Variants in PAX2 observed in about 807,000 individuals in gnomAD.
PAX2 encodes paired box protein Pax-2.
Under a neutral mutation model 41.7 loss-of-function variants are expected in PAX2, and 9 were observed. The observed-to-expected ratio is 0.22, with a 90% CI of 0.13 to 0.38. The LOEUF (loss-of-function observed/expected upper bound fraction) is 0.38, where lower values mean the gene tolerates loss of function less well. PAX2 is among the 10% of genes least tolerant of loss of function. PAX2 has a pLI of 1.00. For synonymous variants in PAX2, 221 were observed against 212.7 expected, an observed-to-expected ratio of 1.04 and a Z score of -0.34; for missense variants, 418 against 531.6, an observed-to-expected ratio of 0.79 and a Z score of 2.10.
chr10:100,823,205 A>T (rs1010934884), intron 7 of PAX2, among the ~76,000 whole-genome samples: 5 of 152,222 alleles, frequency 3.3e-5, no homozygotes, highest in Non-Finnish European at 7.3e-5. Flanking sequence ...TGGTCTTATG[A>T]TATTCAAGAT....
chr10:100,828,201 C>G lies in PAX2; in HGVS notation c.*582C>G, dbSNP rs766371911. 9.4e-5 allele frequency: 22 copies of G among 233,348 alleles called. No individual in the cohort carries two copies. Among genetic ancestry groups the G allele is most frequent in the Middle Eastern group, 1.3e-3 (1 of 792 alleles). The allele number at this position is 233,348 out of a possible 1,614,324, so 14.5% of individuals were successfully genotyped here. ...TTCCCCCAGTGCCAGCCGGACTGCCCTCGCCTTCCGGGTGTGCCCTGTCCC... is the reference window on the plus strand; with the variant it reads ...TTCCCCCAGTGCCAGCCGGACTGCCGTCGCCTTCCGGGTGTGCCCTGTCCC... On this transcript the variant is annotated 3_prime_UTR_variant, in exon 10 of 10. Coordinates refer to ENST00000355243, the MANE Select transcript of PAX2 (RefSeq NM_000278.5). The surrounding 1 kb of genome is among the most constrained non-coding windows in gnomAD (Gnocchi z 6.5).
chr10:100,749,733 T>C lies in PAX2; in HGVS notation c.44-13T>C. The C allele has an allele frequency of 1.2e-6, 2 of 1,605,876 alleles. No individual in the cohort carries two copies. Among genetic ancestry groups the C allele is most frequent in the Non-Finnish European group, 1.7e-6 (2 of 1,174,368 alleles). ...TGTGTGGGGTGTTGTGTTTTTTTCT[T>C]GTCTCTCCCCAGCAGGGCACGGGGG... On this transcript the variant is annotated splice_polypyrimidine_tract_variant and intron_variant, in intron 1 of 9. Transcript: ENST00000355243.
upstream of PAX2, among the ~76,000 whole-genome samples, chr10:100,742,335 C>A (rs1589801105): frequency 8.8e-6 from 1 of 113,876 alleles, no homozygotes; most frequent in Admixed American, 9.2e-5. Context: ...GGCGCCGGTG[C>A]GTGGGTACAC....
intron 4 of PAX2, among the ~76,000 whole-genome samples, chr10:100,780,127 C>T (rs1846556171): frequency 1.3e-5 from 2 of 152,024 alleles, no homozygotes; most frequent in African/African-American, 4.8e-5. Context: ...GTTCTGTCTT[C>T]CTCCTTCCTC....
Position 100,750,564 on chromosome 10 carries a change from C to T in PAX2, c.213-130C>T. ...CACCCTCAGGAAGTCAGCTCAGCCA[C>T]ACTGGGCCTTTTCCCTCCACTCCGC... On this transcript the variant is annotated intron_variant, in intron 2 of 9. Coordinates refer to ENST00000355243, the MANE Select transcript of PAX2 (RefSeq NM_000278.5). This position sits in a 1 kb window ranked among gnomAD's most constrained non-coding sequence, Gnocchi z 4.1. The T allele has an allele frequency of 1.3e-6, 1 of 787,164 alleles. No individual in the cohort carries two copies. The highest frequency in any genetic ancestry group is 2.1e-6 in the Non-Finnish European group (1 of 478,258). The allele number at this position is 787,164 out of a possible 1,614,324, so 48.8% of individuals were successfully genotyped here.
chr10:100,827,473 T>C lies in PAX2; in HGVS notation c.1109-70T>C. ...CAGCCAGGGGAGGTCTTTTCTGTGC[T>C]TTTCTTTCCTTTTTTGTTCTCCTGT... On this transcript the variant is annotated intron_variant, in intron 9 of 9. Transcript: ENST00000355243. The surrounding 1 kb of genome is among the most constrained non-coding windows in gnomAD (Gnocchi z 8.5). 1 of 1,509,690 alleles carries C rather than the reference T, an allele frequency of 6.6e-7. No homozygotes were observed. The highest frequency in any genetic ancestry group is 2.3e-5 in the East Asian group (1 of 44,296). The allele number at this position is 1,509,690 out of a possible 1,614,324, so 93.5% of individuals were successfully genotyped here.
intron 3 of PAX2, among the ~76,000 whole-genome samples, chr10:100,774,350 G>A (rs909902436): frequency 2.0e-5 from 3 of 152,182 alleles, no homozygotes; most frequent in African/African-American, 7.2e-5. Context: ...GTCCTGCCAC[G>A]ACCCCCTGCC....
chr10:100,829,183 C>T lies in PAX2; in HGVS notation c.*1564C>T. The T allele has an allele frequency of 8.6e-6, 2 of 232,592 alleles. No individual in the cohort carries two copies. Among genetic ancestry groups the T allele is most frequent in the Non-Finnish European group, 8.5e-6 (1 of 117,454 alleles). 14.4% of individuals were successfully genotyped at this position (232,592 alleles called of 1,614,324 possible). On this transcript the variant is annotated 3_prime_UTR_variant, in exon 10 of 10. Transcript: ENST00000355243. ...CTCTGGCCTGTTTTGTTGGCTCTTT[C>T]TCTGTAATTCCGTGTTTTCGCTTTT...
intron 3 of PAX2, among the ~76,000 whole-genome samples, chr10:100,762,593 A>G (rs1182617999): frequency 1.3e-5 from 2 of 152,178 alleles, no homozygotes; most frequent in African/African-American, 4.8e-5. Context: ...CATAAGAAAA[A>G]TTAGTAGGGT....
At chr10:100,760,899 T>C (rs1006815648) in intron 3 of PAX2, among the ~76,000 whole-genome samples, 1 of 152,124 alleles carries the variant, frequency 6.6e-6, no homozygotes, top group Non-Finnish European at 1.5e-5. Context: ...CCGCTGCTTC[T>C]CTGAGGAGCT....
chr10:100,807,814 G>T (rs1346348511), intron 6 of PAX2, among the ~76,000 whole-genome samples: 1 of 152,228 alleles, frequency 6.6e-6, no homozygotes, highest in Non-Finnish European at 1.5e-5. Flanking sequence ...ACACATGCAC[G>T]TCAGTGCAGC....
intron 5 of PAX2, 22 bp from the exon 6 acceptor site, chr10:100,806,408 C>G (rs200331987): frequency 6.2e-7 from 1 of 1,613,838 alleles, no homozygotes; most frequent in South Asian, 1.1e-5. Context: ...GCTAACGCCC[C>G]GAGTGTCCAT....
chr10:100,795,985 A>G (rs1847316550), intron 5 of PAX2, among the ~76,000 whole-genome samples: 1 of 152,152 alleles, frequency 6.6e-6, no homozygotes, highest in South Asian at 2.1e-4. Context: ...TTCTTTCTCC[A>G]AGGCCCTTTT....
At position 100,745,955 on chromosome 10, in the gene PAX2, G is replaced by C. The variant is rs1276279608; in HGVS notation, c.-306G>C. 7.8e-7 allele frequency: 1 copy of C among 1,280,116 alleles called. No individual in the cohort carries two copies. Among genetic ancestry groups the C allele is most frequent in the East Asian group, 3.5e-5 (1 of 28,640 alleles). 79.3% of individuals were successfully genotyped at this position (1,280,116 alleles called of 1,614,324 possible). ...TCAGCCCTGGCTGCAGCTGCAGCGCGAGCCATGCGCCCCCAGTGCACCCCG... is the reference window on the plus strand; with the variant it reads ...TCAGCCCTGGCTGCAGCTGCAGCGCCAGCCATGCGCCCCCAGTGCACCCCG... On this transcript the variant is annotated 5_prime_UTR_variant, in exon 1 of 10. Coordinates refer to ENST00000355243, the MANE Select transcript of PAX2 (RefSeq NM_000278.5).
rs750291125 is a variant in PAX2 at position 100,746,336 on chromosome 10, C to T, written c.43+33C>T. On this transcript the variant is annotated intron_variant, in intron 1 of 9. Transcript: ENST00000355243. ...CCGGCGCCCGGCTCCTGTCCCGGCT[C>T]GGGGCTCTCCGTCCCAACCCTGTCC... 16 of 1,468,394 alleles carry T rather than the reference C, an allele frequency of 1.1e-5. No homozygotes were observed. In the East Asian group the frequency reaches 1.6e-4, roughly 15 times the overall value. 91.0% of individuals were successfully genotyped at this position (1,468,394 alleles called of 1,614,324 possible).
chr10:100,780,288 T>C (rs1405443384), intron 4 of PAX2, among the ~76,000 whole-genome samples: 1 of 152,168 alleles, frequency 6.6e-6, no homozygotes, highest in Non-Finnish European at 1.5e-5. Flanking sequence ...GAACACCTGC[T>C]AACACTCCTC....
In PAX2 at chr10:100,828,285, G is replaced by A. The variant is rs1848658389; in HGVS notation, c.*666G>A. 1 of 232,646 alleles carries A rather than the reference G, an allele frequency of 4.3e-6. No homozygotes were observed. Among genetic ancestry groups the A allele is most frequent in the Non-Finnish European group, 8.5e-6 (1 of 117,910 alleles). The allele number at this position is 232,646 out of a possible 1,614,324, so 14.4% of individuals were successfully genotyped here. A position where few individuals can be genotyped will look rare whatever the true frequency, so the allele number is the denominator to read the frequency against. Reference sequence around the variant, plus strand: ...TAGGAACGGGCTTTGGGGGCGTCAGGTCTTTCCAAGGTTGGGACCCAAGGA... The same window carrying A: ...TAGGAACGGGCTTTGGGGGCGTCAGATCTTTCCAAGGTTGGGACCCAAGGA... On this transcript the variant is annotated 3_prime_UTR_variant, in exon 10 of 10. Coordinates refer to ENST00000355243, the MANE Select transcript of PAX2 (RefSeq NM_000278.5). The surrounding 1 kb of genome is among the most constrained non-coding windows in gnomAD (Gnocchi z 6.5).
At chr10:100,811,707 G>C (rs1847996209) in intron 7 of PAX2, among the ~76,000 whole-genome samples, 1 of 152,194 alleles carries the variant, frequency 6.6e-6, no homozygotes, top group Admixed American at 6.5e-5. Flanking sequence ...AGAAAAGGAG[G>C]CTCTTTTAGG....
At chr10:100,816,733 A>T (rs781441001) in intron 7 of PAX2, among the ~76,000 whole-genome samples, 6 of 152,158 alleles carry the variant, frequency 3.9e-5, no homozygotes, top group South Asian at 4.2e-4. Context: ...GCTTTGGGAG[A>T]CAAGCTCCGC....
Sources: gnomAD v4.1 joint callset for allele counts (sites outside exome capture counted in the v4.1 genomes callset) on GRCh38, gnomAD v4.1.1 for gene constraint, Gnocchi (gnomAD v3.1) non-coding constraint, MANE v1.5 for transcripts, NCBI Gene and HGNC (gene_info 2026-07-23, HGNC 2026-07-21) for gene names.